Variants in DMD observed in about 807,000 individuals in gnomAD.
The protein encoded by DMD is mutant dystrophin.
Under a neutral mutation model 330.1 loss-of-function variants are expected in DMD, and 63 were observed. The observed-to-expected ratio is 0.19, with a 90% CI of 0.16 to 0.24. DMD has a LOEUF of 0.24. DMD is among the 10% of genes least tolerant of loss of function. The pLI is 1.00. For missense variants in DMD, 3,344 were observed against 2,684.1 expected (o/e 1.25, Z -5.43); for synonymous variants, 1,223 against 959.8 (o/e 1.27, Z -5.07).
At chrX:32,857,019 G>C (rs2081624885) in intron 2 of DMD, among the ~76,000 whole-genome samples, 2 of 108,579 alleles carry the variant, frequency 1.8e-5, no homozygotes, top group Admixed American at 2.0e-4. Context: ...AGCTTGCAAT[G>C]AGCCCAGATA....
intron 44 of DMD, among the ~76,000 whole-genome samples, chrX:32,024,486 C>CAAAAAAA (rs71872956): frequency 1.6e-5 from 1 of 61,627 alleles, no homozygotes; most frequent in African/African-American, 7.0e-5. Flanking sequence ...AACTCCCTCT[C>CAAAAAAA]AAAAAAAAAA....
At chrX:31,250,074 G>C (rs2049194251) in intron 63 of DMD, among the ~76,000 whole-genome samples, 1 of 109,996 alleles carries the variant, frequency 9.1e-6, no homozygotes, top group Non-Finnish European at 1.9e-5. Context: ...CAATTTTGTT[G>C]CTGCAAAACA....
intron 13 of DMD, among the ~76,000 whole-genome samples, chrX:32,578,848 G>A (rs16990471): frequency 9.0e-6 from 1 of 110,971 alleles, no homozygotes; most frequent in Non-Finnish European, 1.9e-5. Flanking sequence ...GAAAGAGGGA[G>A]GCAGAAAACA....
intron 45 of DMD, among the ~76,000 whole-genome samples, chrX:31,935,395 G>A (rs981087353): frequency 4.5e-5 from 5 of 111,600 alleles, no homozygotes; most frequent in African/African-American, 1.6e-4. Context: ...GGCTGGTCTC[G>A]ATTGCTGGCA....
chrX:31,146,226 T>A (rs1308731157), intron 76 of DMD, 65 bp downstream of exon 76: 1 of 1,152,096 alleles, frequency 8.7e-7, no homozygotes, highest in Non-Finnish European at 1.2e-6. Context: ...CAAATATTCA[T>A]GTCCCTGTAA....
chrX:31,141,826 G>C (rs963260621), intron 76 of DMD, among the ~76,000 whole-genome samples: 1 of 111,631 alleles, frequency 9.0e-6, no homozygotes, highest in African/African-American at 3.3e-5. Context: ...CATAGCAGAA[G>C]CCAAAGTATG....
chrX:31,804,435 T>C (rs914822043), intron 50 of DMD, among the ~76,000 whole-genome samples: 1 of 111,713 alleles, frequency 9.0e-6, no homozygotes, highest in African/African-American at 3.3e-5. Context: ...CCTGAACCAC[T>C]GGAATAGCCT....
chrX:32,244,062 G>A (rs778881610), intron 43 of DMD, among the ~76,000 whole-genome samples: 75 of 97,442 alleles, frequency 7.7e-4, no homozygotes, highest in Non-Finnish European at 1.1e-3. Context: ...CCACTAACTC[G>A]TCATCTAGCA....
At chrX:32,073,538 A>G (rs1162006534) in intron 44 of DMD, among the ~76,000 whole-genome samples, 6 of 111,679 alleles carry the variant, frequency 5.4e-5, no homozygotes, top group Admixed American at 3.8e-4. Flanking sequence ...GTATGTATGT[A>G]TATTTCAAAC....
intron 23 of DMD, among the ~76,000 whole-genome samples, chrX:32,465,582 G>GTTTTTTTTTTTTTTTTTTTTTTTTTTT (rs1191063866): frequency 7.8e-5 from 6 of 76,666 alleles, no homozygotes; most frequent in African/African-American, 2.0e-4. Context: ...TTTGTTTTTT[G>GTTTTTTTTTTTTTTTTTTTTTTTTTTT]TTTTTTTTTT....
chrX:31,326,558 A>G (rs1190600537), intron 61 of DMD, among the ~76,000 whole-genome samples: 1 of 107,146 alleles, frequency 9.3e-6, no homozygotes, highest in Non-Finnish European at 1.9e-5. Context: ...TTGAAACCTT[A>G]CAATTTTATG....
intron 55 of DMD, among the ~76,000 whole-genome samples, chrX:31,591,425 G>T (rs754611839): frequency 7.2e-5 from 8 of 111,214 alleles, no homozygotes; most frequent in Non-Finnish European, 1.1e-4. Context: ...GGAGTCAGAG[G>T]CCTATTTTTC....
intron 11 of DMD, among the ~76,000 whole-genome samples, chrX:32,636,654 A>C (rs764737080): frequency 6.3e-5 from 7 of 111,781 alleles, no homozygotes; most frequent in Non-Finnish European, 1.1e-4. Flanking sequence ...TGAAAACATA[A>C]ATTCAGTTTA....
intron 44 of DMD, among the ~76,000 whole-genome samples, chrX:32,103,629 G>A (rs1324143098): frequency 7.1e-5 from 8 of 112,318 alleles, no homozygotes. Context: ...TTAATAAACA[G>A]TTTGCTTTAA....
chrX:32,359,064 C>G (rs2097820185), intron 37 of DMD, among the ~76,000 whole-genome samples: 1 of 111,612 alleles, frequency 9.0e-6, no homozygotes, highest in Admixed American at 9.5e-5. Flanking sequence ...AGCTAGTGCT[C>G]AAAGCAGGTC....
At chrX:32,799,709 A>G (rs998237068) in intron 7 of DMD, among the ~76,000 whole-genome samples, 1 of 110,197 alleles carries the variant, frequency 9.1e-6, no homozygotes, top group Non-Finnish European at 1.9e-5. Flanking sequence ...CAGAGAAATC[A>G]TAACGGGAAG....
At chrX:33,227,006 C>T (rs764841814) in intron 1 of DMD, among the ~76,000 whole-genome samples, 2 of 109,276 alleles carry the variant, frequency 1.8e-5, no homozygotes, top group African/African-American at 6.6e-5. Context: ...GATTATATAA[C>T]GTAACACACT....
At chrX:31,337,404 T>C (rs2057466815) in intron 61 of DMD, among the ~76,000 whole-genome samples, 1 of 112,300 alleles carries the variant, frequency 8.9e-6, no homozygotes, top group Non-Finnish European at 1.9e-5. Flanking sequence ...GAATGGTTTT[T>C]AAACCAGGAA....
chrX:32,238,352 T>C (rs368002843), intron 43 of DMD, among the ~76,000 whole-genome samples: 2 of 110,837 alleles, frequency 1.8e-5, no homozygotes, highest in East Asian at 5.7e-4. Flanking sequence ...AGCTCATTCT[T>C]GTGGCTCTTT....
Sources: allele counts gnomAD v4.1 joint callset (sites outside exome capture counted in the v4.1 genomes callset), GRCh38; gene constraint gnomAD v4.1.1; transcripts MANE v1.5; gene names NCBI Gene and HGNC (gene_info 2026-07-23, HGNC 2026-07-21).